The following CD109 variants were observed in gnomAD, a reference collection of about 807,000 sequenced individuals.
The protein encoded by CD109 is CD109 molecule.
CD109 carries 149 observed loss-of-function variants against 165.8 expected under a neutral mutation model. The observed-to-expected ratio is 0.90, with a 90% CI of 0.79 to 1.03. The LOEUF (loss-of-function observed/expected upper bound fraction) is 1.03. Among genes scored for constraint, CD109 ranks in the 50% least tolerant of loss-of-function variants. CD109 has a pLI of 0.00. For missense variants in CD109, 1,712 were observed against 1,677.8 expected (o/e 1.02, Z -0.36); for synonymous variants, 585 against 592.1 (o/e 0.99, Z 0.18).
chr6:73,696,190 C>CTG, upstream of CD109: 1 of 1,542,952 alleles, frequency 6.5e-7, no homozygotes, highest in Non-Finnish European at 8.7e-7. Context: ...CGGCAGCGGA[C>CTG]TGTAGCCCAG....
intron 5 of CD109, among the ~76,000 whole-genome samples, chr6:73,742,643 T>C (rs182563319): frequency 7.2e-5 from 11 of 152,326 alleles, no homozygotes; most frequent in Admixed American, 2.0e-4. Flanking sequence ...AGATTCCTGG[T>C]CATTTGATGA....
In CD109 at chr6:73,825,365, G is replaced by A. The variant is rs902494219; in HGVS notation, c.*1732G>A. Reference sequence around the variant, plus strand: ...TAAAACAGGCACTTGTAATGTTGGGGCCTCCTTGTAAACGTGTTTTTGCCC... The same window carrying A: ...TAAAACAGGCACTTGTAATGTTGGGACCTCCTTGTAAACGTGTTTTTGCCC... On this transcript the variant is annotated 3_prime_UTR_variant, in exon 33 of 33. Transcript: ENST00000287097. The A allele has an allele frequency of 7.9e-5, 12 of 152,154 alleles. No homozygotes were observed. Among genetic ancestry groups the A allele is most frequent in the African/African-American group, 2.4e-4 (10 of 41,432 alleles). The allele number at this position is 152,154 out of a possible 1,614,324, so 9.4% of individuals were successfully genotyped here. A position where few individuals can be genotyped will look rare whatever the true frequency, so the allele number is the denominator to read the frequency against.
rs1364011165 is a variant in CD109, at chr6:73,771,536, A to C, written c.1782A>C (p.Lys594Asn). The change falls in exon 15 of 33, where the codon AAA (lysine) becomes AAC (asparagine). Residue 594 changes from lysine (K) to asparagine (N), a missense_variant. By Grantham distance (94) the Lys-to-Asn change is moderately conservative. Coordinates refer to ENST00000287097, the MANE Select transcript of CD109 (RefSeq NM_133493.5). The stretch of plus-strand genomic sequence containing the variant: ...TAGTTGGGATTGTAGCTGTTGACAA[A>C]AGTGTGAATCTGATGAATGCCTCTA... ...DSIVGIVAVD[K>N]SVNLMNASND... 5 of 1,609,602 alleles carry C rather than the reference A, an allele frequency of 3.1e-6. No homozygotes were observed. The African/African-American group carries it at 4.0e-5, about 13-fold the overall frequency.
chr6:73,687,911 C>T, the CD109 span, among the ~76,000 whole-genome samples: 2 of 152,182 alleles, frequency 1.3e-5, no homozygotes, highest in Admixed American at 6.5e-5. Context: ...AACTTGGGAT[C>T]TGAAGCAAAA....
intron 5 of CD109, among the ~76,000 whole-genome samples, chr6:73,748,549 G>A (rs1052409103): frequency 6.6e-6 from 1 of 152,258 alleles, no homozygotes; most frequent in South Asian, 2.1e-4. Flanking sequence ...AGGTCCATGC[G>A]GGGTTGTATT....
At chr6:73,688,916 G>A in the CD109 span, among the ~76,000 whole-genome samples, 412 of 151,450 alleles carry the variant, frequency 2.7e-3, no homozygotes, top group Middle Eastern at 0.014. Flanking sequence ...CTACAGCCAC[G>A]CACCACCACA....
At chr6:73,761,046 C>G (rs1463465044) in intron 7 of CD109, among the ~76,000 whole-genome samples, 1 of 151,288 alleles carries the variant, frequency 6.6e-6, no homozygotes, top group African/African-American at 2.4e-5. Context: ...CACACACACA[C>G]ACACACACAC....
the CD109 span, among the ~76,000 whole-genome samples, chr6:73,682,412 C>T: frequency 6.6e-6 from 1 of 152,248 alleles, no homozygotes; most frequent in Non-Finnish European, 1.5e-5. Flanking sequence ...CCATGTCTCA[C>T]ATCCAGGTCA....
intron 3 of CD109, among the ~76,000 whole-genome samples, chr6:73,724,840 A>G (rs1437479862): frequency 1.3e-5 from 2 of 151,978 alleles, no homozygotes; most frequent in African/African-American, 4.8e-5. Flanking sequence ...GGGCCCAAGC[A>G]TCCCTCCTGC....
intron 4 of CD109, among the ~76,000 whole-genome samples, chr6:73,735,770 T>A (rs536928998): frequency 6.6e-6 from 1 of 152,202 alleles, no homozygotes; most frequent in South Asian, 2.1e-4. Flanking sequence ...AATGCGTACC[T>A]CCCTCTCCAG....
intron 3 of CD109, among the ~76,000 whole-genome samples, chr6:73,728,668 C>G (rs1772230707): frequency 6.6e-6 from 1 of 152,180 alleles, no homozygotes; most frequent in Non-Finnish European, 1.5e-5. Context: ...GTTTCTTGCA[C>G]TTTCTTCATA....
rs141389847 is a variant in CD109 at position 73,771,258 on chromosome 6, C to T, written c.1675-171C>T. 1.2e-3 allele frequency among the ~76,000 whole-genome samples: 182 copies of T among 152,206 alleles called. 1 individual carries two copies. The highest frequency in any genetic ancestry group is 2.1e-4 in the Non-Finnish European group (14 of 68,010). ...TTCTATGACTTGCAAACACTCTGGG[C>T]GTAGTTTTTTTATTCCTTTCCCTAG... On this transcript the variant is annotated intron_variant, in intron 14 of 32. Transcript: ENST00000287097.
Position 73,696,269 on chromosome 6 carries a change from C to A in CD109, c.54C>A (p.Ala18=), listed in dbSNP as rs1322618575. ...CCCACCTCCTCTGCGTGTGCACCGCCGCGCTGGCCGTGGCTCCCGGGTAGG... is the reference window on the plus strand; with the variant it reads ...CCCACCTCCTCTGCGTGTGCACCGCAGCGCTGGCCGTGGCTCCCGGGTAGG... ...TAAHLLCVCT[A]ALAVAPGPRF... is the part of the protein sequence containing the mutation. Residue 18 remains alanine (A), a synonymous_variant, in exon 1 of 33, where the codon GCC becomes GCA. Transcript: ENST00000287097. The A allele has an allele frequency of 2.0e-6, 3 of 1,529,976 alleles. No individual in the cohort carries two copies. Among genetic ancestry groups the A allele is most frequent in the Non-Finnish European group, 2.6e-6 (3 of 1,144,076 alleles). The allele number at this position is 1,529,976 out of a possible 1,614,324, so 94.8% of individuals were successfully genotyped here.
intron 23 of CD109, among the ~76,000 whole-genome samples, chr6:73,793,992 C>T (rs1775062370): frequency 6.6e-6 from 1 of 152,152 alleles, no homozygotes; most frequent in Non-Finnish European, 1.5e-5. Context: ...TAATTGATTG[C>T]TAATTTCTCC....
chr6:73,811,276 G>A (rs1775751067), intron 28 of CD109, 129 bp downstream of exon 28: 1 of 1,077,542 alleles, frequency 9.3e-7, no homozygotes, highest in Non-Finnish European at 1.3e-6. Context: ...ATAGGGAGAA[G>A]TGGTGCCCTT....
Position 73,725,841 on chromosome 6 carries a change from A to G in CD109, c.276+2562A>G, listed in dbSNP as rs1772123344. Among the ~76,000 whole-genome samples, 3 of 152,342 alleles carry G rather than the reference A, an allele frequency of 2.0e-5. No homozygotes were observed. The South Asian group carries it at 6.2e-4, about 32-fold the overall frequency. ...TATACTTCTTTTAAGTCTTAAGTAT[A>G]TGAAATACTAACTCTGACATCCAGT... is the stretch of plus-strand genomic sequence containing the variant. On this transcript the variant is annotated intron_variant, in intron 3 of 32. Transcript: ENST00000287097.
chr6:73,761,184 A>G (rs1278248247), intron 7 of CD109, among the ~76,000 whole-genome samples: 1 of 152,190 alleles, frequency 6.6e-6, no homozygotes, highest in South Asian at 2.1e-4. Context: ...TTCAGAATCT[A>G]TGGTGTAATA....
Position 73,776,553 on chromosome 6 carries a change from C to CTT in CD109, c.1828-3848_1828-3847dup, listed in dbSNP as rs34703329. ...AGGCGTGAGCCACCACGCAAGTGGCCTTTTTTTTTTTTTTTTTTTTTTTTG... is the reference window on the plus strand; with the variant it reads ...AGGCGTGAGCCACCACGCAAGTGGCCTTTTTTTTTTTTTTTTTTTTTTTTTTG... On this transcript the variant is annotated intron_variant, in intron 15 of 32. Coordinates refer to ENST00000287097, the MANE Select transcript of CD109 (RefSeq NM_133493.5). Among the ~76,000 whole-genome samples the CTT allele has an allele frequency of 2.4e-3, 174 of 73,086 alleles. 2 individuals are homozygous for CTT. Among genetic ancestry groups the CTT allele is most frequent in the African/African-American group, 7.1e-3 (117 of 16,366 alleles). The allele number at this position is 73,086 out of a possible 152,430, so 47.9% of individuals were successfully genotyped here.
chr6:73,722,005 G>T (rs1771969993), intron 2 of CD109, among the ~76,000 whole-genome samples: 1 of 152,092 alleles, frequency 6.6e-6, no homozygotes, highest in African/African-American at 2.4e-5. Flanking sequence ...CAAAGTGCTG[G>T]GATTATAGGT....
Sources: gnomAD v4.1 joint callset for allele counts (sites outside exome capture counted in the v4.1 genomes callset) on GRCh38, gnomAD v4.1.1 for gene constraint, MANE v1.5 for transcripts, NCBI Gene and HGNC (gene_info 2026-07-23, HGNC 2026-07-21) for gene names.